Variants in GLIS3 observed in about 807,000 individuals in gnomAD.
GLIS3 encodes the protein zinc finger protein GLIS3.
A neutral mutation model predicts 78.6 loss-of-function variants in GLIS3; 53 were observed. That is an observed-to-expected ratio of 0.67 (90% confidence interval 0.54 to 0.85). GLIS3 has a LOEUF of 0.85. GLIS3 is among the 40% of genes least tolerant of loss of function. The pLI is 0.00. For missense variants in GLIS3, 1,703 were observed against 1,231.1 expected (o/e 1.38, Z -5.74); for synonymous variants, 684 against 509.9 (o/e 1.34, Z -4.60).
rs114160797 is a variant in GLIS3 at position 4,018,167 on chromosome 9, G to A, written c.1711-80978C>T. On this transcript the variant is annotated intron_variant, in intron 4 of 10. Coordinates refer to ENST00000381971, the MANE Select transcript of GLIS3 (RefSeq NM_001042413.2). ...AAAGGAAGGCAGGAAGAAAGGAAAG[G>A]AGGTAGGAAAACTGAAATCAACTTG... Among the ~76,000 whole-genome samples, 626 of 152,340 alleles carry A rather than the reference G, an allele frequency of 4.1e-3. 5 individuals carry two copies. The highest frequency in any genetic ancestry group is 0.015 in the African/African-American group (606 of 41,560).
At chr9:4,075,411 C>CAAAAAAAAAAAAAAAAAAA (rs59194808) in intron 4 of GLIS3, among the ~76,000 whole-genome samples, 60 of 117,952 alleles carry the variant, frequency 5.1e-4, no homozygotes, top group East Asian at 1.1e-3. Flanking sequence ...ACTAAAAATA[C>CAAAAAAAAAAAAAAAAAAA]AAAAAAAAAA....
chr9:4,167,329 G>A (rs1815950547), intron 2 of GLIS3, among the ~76,000 whole-genome samples: 1 of 152,150 alleles, frequency 6.6e-6, no homozygotes, highest in Non-Finnish European at 1.5e-5. Flanking sequence ...TAAATTCTTG[G>A]GAATTTTTTT....
chr9:4,084,076 A>G lies in GLIS3; in HGVS notation c.1710+33692T>C, dbSNP rs77931765. 2.6e-5 allele frequency among the ~76,000 whole-genome samples: 4 copies of G among 152,232 alleles called. No individual in the cohort carries two copies. The East Asian group carries it at 7.7e-4, about 29-fold the overall frequency. ...GAGGCCAGGATTTTTAGAACAAAAC[A>G]CAGCAACTTTTCCAGGTCTGTTTTT... On this transcript the variant is annotated intron_variant, in intron 4 of 10. Coordinates refer to ENST00000381971, the MANE Select transcript of GLIS3 (RefSeq NM_001042413.2).
chr9:4,056,539 G>T (rs1294814358), intron 4 of GLIS3, among the ~76,000 whole-genome samples: 1 of 152,114 alleles, frequency 6.6e-6, no homozygotes, highest in African/African-American at 2.4e-5. Flanking sequence ...AGCTTTGCAG[G>T]AGACTTTCTA....
At chr9:3,923,923 A>G (rs1273471481) in intron 6 of GLIS3, among the ~76,000 whole-genome samples, 1 of 152,222 alleles carries the variant, frequency 6.6e-6, no homozygotes, top group East Asian at 1.9e-4. Flanking sequence ...GGATCACTTG[A>G]GGTCAGTAAA....
chr9:4,412,688 C>G, the GLIS3 span, among the ~76,000 whole-genome samples: 1 of 152,146 alleles, frequency 6.6e-6, no homozygotes, highest in East Asian at 1.9e-4. Context: ...CAAACCCTTA[C>G]CCCTTTCTTC....
intron 4 of GLIS3, among the ~76,000 whole-genome samples, chr9:4,085,519 C>T (rs974956042): frequency 6.6e-6 from 1 of 152,170 alleles, no homozygotes; most frequent in Non-Finnish European, 1.5e-5. Flanking sequence ...GATCTCTACA[C>T]TGACCCTTTC....
chr9:3,886,181 C>T (rs979897865), intron 7 of GLIS3, among the ~76,000 whole-genome samples: 5 of 152,180 alleles, frequency 3.3e-5, no homozygotes, highest in Admixed American at 1.3e-4. Context: ...CCTATCTAAA[C>T]TACAGATGGA....
At chr9:4,102,581 C>T (rs909847084) in intron 4 of GLIS3, among the ~76,000 whole-genome samples, 15 of 152,024 alleles carry the variant, frequency 9.9e-5, no homozygotes, top group African/African-American at 2.9e-4. Flanking sequence ...GCTAAACAAC[C>T]GACAATATCC....
At chr9:3,841,064 G>A (rs1443031914) in intron 9 of GLIS3, among the ~76,000 whole-genome samples, 1 of 152,080 alleles carries the variant, frequency 6.6e-6, no homozygotes, top group African/African-American at 2.4e-5. Context: ...AGGGAAATAG[G>A]GGGGAAAAAA....
At chr9:4,448,099 C>T in the GLIS3 span, among the ~76,000 whole-genome samples, 12 of 152,170 alleles carry the variant, frequency 7.9e-5, no homozygotes, top group South Asian at 6.2e-4. Flanking sequence ...TGACTGGTAC[C>T]GGTTACTAAA....
chr9:3,913,732 G>C (rs569657125), intron 6 of GLIS3, among the ~76,000 whole-genome samples: 17 of 152,128 alleles, frequency 1.1e-4, no homozygotes, highest in African/African-American at 4.1e-4. Flanking sequence ...CTTGCTGTTA[G>C]CACTCGTGAT....
intron 4 of GLIS3, among the ~76,000 whole-genome samples, chr9:4,019,676 G>A (rs1309887801): frequency 6.6e-6 from 1 of 152,108 alleles, no homozygotes; most frequent in Non-Finnish European, 1.5e-5. Flanking sequence ...AGTAGGGTAA[G>A]GGAGATCGAC....
intron 2 of GLIS3, among the ~76,000 whole-genome samples, chr9:4,273,773 C>T (rs1826739222): frequency 6.6e-6 from 1 of 152,132 alleles, no homozygotes; most frequent in South Asian, 2.1e-4. Flanking sequence ...CGAAGATTCT[C>T]TGATGCTCAC....
intron 2 of GLIS3, among the ~76,000 whole-genome samples, chr9:4,261,334 A>C (rs1825506552): frequency 6.6e-6 from 1 of 152,148 alleles, no homozygotes; most frequent in Non-Finnish European, 1.5e-5. Flanking sequence ...GCCATAATGG[A>C]AGCAAAGAGA....
chr9:4,450,820 G>C, the GLIS3 span, among the ~76,000 whole-genome samples: 2 of 152,266 alleles, frequency 1.3e-5, no homozygotes, highest in African/African-American at 4.8e-5. Flanking sequence ...TCACCACCAG[G>C]CCTGCCTTAT....
chr9:4,011,147 C>G (rs1378368564), intron 4 of GLIS3, among the ~76,000 whole-genome samples: 1 of 152,102 alleles, frequency 6.6e-6, no homozygotes, highest in African/African-American at 2.4e-5. Context: ...AAAGCAGAGT[C>G]CAAAATGCAT....
intron 2 of GLIS3, among the ~76,000 whole-genome samples, chr9:4,133,369 A>ACC (rs1439631832): frequency 6.6e-6 from 1 of 152,108 alleles, no homozygotes; most frequent in Non-Finnish European, 1.5e-5. Flanking sequence ...AGGTTTTGAG[A>ACC]CTCCCATTCA....
the GLIS3 span, among the ~76,000 whole-genome samples, chr9:4,390,611 C>A: frequency 6.6e-6 from 1 of 152,174 alleles, no homozygotes; most frequent in Non-Finnish European, 1.5e-5. Context: ...TGGCCTCATA[C>A]AGATATCTGT....
Sources: gnomAD v4.1 joint callset for allele counts (sites outside exome capture counted in the v4.1 genomes callset) on GRCh38, gnomAD v4.1.1 for gene constraint, MANE v1.5 for transcripts, NCBI Gene and HGNC (gene_info 2026-07-23, HGNC 2026-07-21) for gene names.